The following APLF variants were observed in gnomAD, a reference collection of about 807,000 sequenced individuals.
The protein encoded by APLF is aprataxin and PNKP like factor, also known as aprataxin and PNK-like factor.
Under a neutral mutation model 55.6 loss-of-function variants are expected in APLF, and 61 were observed. That is an observed-to-expected ratio of 1.10 (90% CI 0.89 to 1.36). The LOEUF (loss-of-function observed/expected upper bound fraction) is 1.36. Ranked by LOEUF, APLF falls within the 40% of genes most tolerant of loss-of-function variation. APLF has a pLI of 0.00. For synonymous variants in APLF, 207 were observed against 214.8 expected (o/e 0.96, Z 0.32); for missense variants, 611 against 602.5 (o/e 1.01, Z -0.15).
chr2:68,512,976 G>C, intron 3 of APLF, 104 bp from the exon 4 acceptor site: 1 of 1,075,686 alleles, frequency 9.3e-7, no homozygotes, highest in Non-Finnish European at 1.3e-6. Flanking sequence ...GCTTTTTTTG[G>C]TTTTGCTAAG....
At chr2:68,542,650 A>G (rs1314085238) in intron 7 of APLF, among the ~76,000 whole-genome samples, 2 of 152,142 alleles carry the variant, frequency 1.3e-5, no homozygotes, top group Non-Finnish European at 2.9e-5. Context: ...GAAATGAAAA[A>G]CAAGTAACAA....
At chr2:68,561,258 C>G (rs1378782349) in intron 8 of APLF, among the ~76,000 whole-genome samples, 1 of 152,084 alleles carries the variant, frequency 6.6e-6, no homozygotes. Context: ...ACAGTGTTAT[C>G]CCTCCTTTTC....
intron 1 of APLF, among the ~76,000 whole-genome samples, chr2:68,489,239 A>G (rs776326971): frequency 2.0e-5 from 3 of 152,204 alleles, no homozygotes; most frequent in South Asian, 2.1e-4. Context: ...TGTGGAACTA[A>G]TAGGTTTAAT....
intron 1 of APLF, among the ~76,000 whole-genome samples, chr2:68,483,630 A>G (rs953042014): frequency 3.3e-5 from 5 of 152,176 alleles, no homozygotes; most frequent in Non-Finnish European, 1.5e-5. Flanking sequence ...AGTATAAAGT[A>G]TTATATAATT....
intron 5 of APLF, among the ~76,000 whole-genome samples, chr2:68,518,581 ATAATATATCATGAATATATAATATATCAT>A (rs1206805702): frequency 2.1e-4 from 19 of 89,152 alleles, no homozygotes; most frequent in South Asian, 8.2e-4. Context: ...TAATATATCA[ATAATATATCATGAATATATAATATATCAT>A]TAATATATCA....
At chr2:68,556,926 C>A (rs553830939) in intron 8 of APLF, among the ~76,000 whole-genome samples, 2 of 152,284 alleles carry the variant, frequency 1.3e-5, no homozygotes, top group African/African-American at 2.4e-5. Context: ...AGCACAATTC[C>A]ATTTTCTCAA....
chr2:68,525,327 A>T lies in APLF; in HGVS notation c.623-734A>T, dbSNP rs184622832. On this transcript the variant is annotated intron_variant, in intron 5 of 9. Coordinates refer to ENST00000303795, the MANE Select transcript of APLF (RefSeq NM_173545.3). ...AAAAAAAAAAATTAGCTTAAGTTTA[A>T]TTCCTCACTGTGGATGTTAGGGTTT... Among the ~76,000 whole-genome samples, 7 of 152,160 alleles carry T rather than the reference A, an allele frequency of 4.6e-5. No individual in the cohort carries two copies. The East Asian group carries it at 1.2e-3, about 25-fold the overall frequency.
chr2:68,474,730 G>A (rs559201154), intron 1 of APLF, among the ~76,000 whole-genome samples: 1 of 152,226 alleles, frequency 6.6e-6, no homozygotes, highest in South Asian at 2.1e-4. Flanking sequence ...GTTCAATGGT[G>A]CGATCTTGGC....
intron 2 of APLF, among the ~76,000 whole-genome samples, chr2:68,501,189 GA>G (rs1047540831): frequency 3.2e-4 from 49 of 152,180 alleles, no homozygotes; most frequent in African/African-American, 1.2e-3. Context: ...AGATTTAAAG[GA>G]TAGAAATATG....
intron 8 of APLF, among the ~76,000 whole-genome samples, chr2:68,547,747 A>T (rs972160468): frequency 1.3e-5 from 2 of 149,192 alleles, no homozygotes; most frequent in Non-Finnish European, 1.5e-5. Flanking sequence ...ATATAGCTTT[A>T]TTTTTTTTTG....
intron 1 of APLF, among the ~76,000 whole-genome samples, chr2:68,481,876 G>A (rs978438731): frequency 1.1e-4 from 17 of 151,902 alleles, no homozygotes; most frequent in African/African-American, 4.1e-4. Context: ...GATATAGTCT[G>A]GTGAAGGCTT....
In APLF at chr2:68,490,250, C is replaced by T. The variant is rs773250190; in HGVS notation, c.157C>T (p.Arg53Ter). 38 of 1,611,032 alleles carry T rather than the reference C, an allele frequency of 2.4e-5. No homozygotes were observed. Among genetic ancestry groups the T allele is most frequent in the East Asian group, 8.9e-5 (4 of 44,748 alleles). The stretch of plus-strand genomic sequence containing the variant: ...TCTTGAGGTGGCAGGTGGTCAGCTG[C>T]GAATCAAACCGGTAAATATGTTATT... ...AILEVAGGQL[R>*]IKPIHTNPCF... Residue 53 changes from arginine (R) to a stop codon, truncating the protein, a stop_gained, in exon 2 of 10, where the codon CGA (arginine) becomes TGA (stop). Coordinates refer to ENST00000303795, the MANE Select transcript of APLF (RefSeq NM_173545.3). LOFTEE classifies it high-confidence loss of function.
intron 2 of APLF, among the ~76,000 whole-genome samples, chr2:68,495,223 A>G (rs1676503602): frequency 1.3e-5 from 2 of 152,186 alleles, no homozygotes. Context: ...TTCCAGCATT[A>G]CCTGAGAAGT....
chr2:68,570,437 C>T (rs182706714), intron 9 of APLF, among the ~76,000 whole-genome samples: 151 of 151,320 alleles, frequency 1.0e-3, no homozygotes, highest in African/African-American at 3.5e-3. Flanking sequence ...TGCTATCCCT[C>T]CCCCACTCCC....
chr2:68,516,356 A>AT (rs542801985), intron 5 of APLF, among the ~76,000 whole-genome samples: 271 of 151,566 alleles, frequency 1.8e-3, no homozygotes, highest in African/African-American at 6.3e-3. Flanking sequence ...AATCCTTTAT[A>AT]TGTAGGGGAA....
chr2:68,540,208 T>G (rs559344485), intron 7 of APLF, among the ~76,000 whole-genome samples: 23 of 151,998 alleles, frequency 1.5e-4, no homozygotes, highest in Admixed American at 1.4e-3. Flanking sequence ...CCCCTCCCTG[T>G]GTCCATGTGT....
intron 5 of APLF, among the ~76,000 whole-genome samples, chr2:68,517,020 A>C (rs1235910324): frequency 8.7e-5 from 9 of 103,532 alleles, no homozygotes; most frequent in Non-Finnish European, 1.7e-4. Flanking sequence ...AATATATAAT[A>C]ATATATTAAT....
At chr2:68,522,952 A>T (rs1233284646) in intron 5 of APLF, among the ~76,000 whole-genome samples, 1 of 151,948 alleles carries the variant, frequency 6.6e-6, no homozygotes, top group African/African-American at 2.4e-5. Context: ...TCTTAAGATG[A>T]TAGGGAACCT....
chr2:68,468,480 G>A (rs547640951), intron 1 of APLF, among the ~76,000 whole-genome samples: 1 of 152,294 alleles, frequency 6.6e-6, no homozygotes, highest in South Asian at 2.1e-4. Context: ...GACCGTATCA[G>A]TTAGCTATTT....
Sources: allele counts gnomAD v4.1 joint callset (sites outside exome capture counted in the v4.1 genomes callset), GRCh38; gene constraint gnomAD v4.1.1; transcripts MANE v1.5; gene names NCBI Gene and HGNC (gene_info 2026-07-23, HGNC 2026-07-21).